ABCB7: variants seen among roughly 807,000 people sequenced by gnomAD.
The protein encoded by ABCB7 is iron-sulfur clusters transporter ABCB7, mitochondrial.
In ABCB7, 7 loss-of-function variants were observed where a neutral mutation model predicts 54.4. The ratio of observed to expected loss-of-function variants is 0.13; its 90% CI spans 0.07 to 0.24. ABCB7 has a LOEUF of 0.24. Ranked by LOEUF, ABCB7 falls within the 10% of genes least tolerant of loss-of-function variation. The pLI, the probability that ABCB7 is intolerant of heterozygous loss-of-function variation, is 1.00. For synonymous variants in ABCB7, 218 were observed against 207.1 expected, an observed-to-expected ratio of 1.05 and a Z score of -0.45; for missense variants, 356 against 570.4, an observed-to-expected ratio of 0.62 and a Z score of 3.83.
intron 1 of ABCB7, among the ~76,000 whole-genome samples, chrX:75,127,013 A>G (rs2081937162): frequency 9.0e-6 from 1 of 111,690 alleles, no homozygotes; most frequent in Admixed American, 9.5e-5. Flanking sequence ...TTCTAAAACT[A>G]TTCCAAACAA....
At chrX:75,118,021 A>T (rs187369036) in intron 1 of ABCB7, among the ~76,000 whole-genome samples, 15 of 112,462 alleles carry the variant, frequency 1.3e-4, no homozygotes, top group African/African-American at 4.8e-4. Flanking sequence ...AGCTGTAGTG[A>T]ATCTGTTATA....
intron 14 of ABCB7, among the ~76,000 whole-genome samples, 154 bp downstream of exon 14, chrX:75,062,174 C>T (rs760967641): frequency 8.9e-6 from 1 of 112,384 alleles, no homozygotes; most frequent in East Asian, 2.8e-4. Context: ...TTACCATCAA[C>T]ACTTGCCATA....
intron 1 of ABCB7, among the ~76,000 whole-genome samples, chrX:75,146,388 C>T (rs967602397): frequency 1.8e-5 from 2 of 111,796 alleles, no homozygotes; most frequent in African/African-American, 6.5e-5. Flanking sequence ...AAGAATGAAG[C>T]TGGAGGTATC....
Position 75,073,783 on chromosome X carries a change from G to A in ABCB7, c.945-7C>T, listed in dbSNP as rs5937938. ...TTCTATTCTAAATCTAGTTCTGTAA[G>A]ACAAAGATTTGCATAGGCATGAAAT... On this transcript the variant is annotated splice_region_variant and splice_polypyrimidine_tract_variant and intron_variant, in intron 7 of 15. Transcript: ENST00000373394. 17,899 of 1,194,206 alleles carry A rather than the reference G, an allele frequency of 0.015. 115 individuals carry two copies. The highest frequency in any genetic ancestry group is 0.018 in the Non-Finnish European group (16,210 of 880,609).
intron 15 of ABCB7, among the ~76,000 whole-genome samples, chrX:75,058,929 A>G (rs2081261796): frequency 8.9e-6 from 1 of 111,798 alleles, no homozygotes; most frequent in South Asian, 3.8e-4. Flanking sequence ...TATTTACAAA[A>G]TTTCCCATTT....
At chrX:75,081,648 C>A (rs1181573283) in intron 4 of ABCB7, among the ~76,000 whole-genome samples, 5 of 112,034 alleles carry the variant, frequency 4.5e-5, no homozygotes, top group Non-Finnish European at 9.4e-5. Context: ...TAAATTGATG[C>A]ACATTAATAA....
intron 1 of ABCB7, among the ~76,000 whole-genome samples, chrX:75,129,284 A>C (rs1346231708): frequency 9.0e-6 from 1 of 111,523 alleles, no homozygotes; most frequent in African/African-American, 3.3e-5. Context: ...GGATGAGTTA[A>C]TGTCCTTTGC....
In ABCB7 at chrX:75,116,170, A is replaced by T. The variant is rs184642257; in HGVS notation, c.169-1339T>A. Among the ~76,000 whole-genome samples the T allele has an allele frequency of 4.4e-3, 488 of 111,122 alleles. 4 individuals carry two copies. Among genetic ancestry groups the T allele is most frequent in the Non-Finnish European group, 8.0e-3 (424 of 53,030 alleles). Reference sequence around the variant, plus strand: ...ACCATCTTTATCTCTGAAGCTTGCGACCTGAAAGCTTCATCTACATGAGAA... The same window carrying T: ...ACCATCTTTATCTCTGAAGCTTGCGTCCTGAAAGCTTCATCTACATGAGAA... On this transcript the variant is annotated intron_variant, in intron 1 of 15. Transcript: ENST00000373394.
At chrX:75,055,576 A>C (rs2081232424) in intron 15 of ABCB7, among the ~76,000 whole-genome samples, 1 of 105,414 alleles carries the variant, frequency 9.5e-6, no homozygotes, top group African/African-American at 3.5e-5. Context: ...AAAAAAAAAA[A>C]AAACAACCAA....
At chrX:75,154,731 T>A (rs529907701) in intron 1 of ABCB7, among the ~76,000 whole-genome samples, 7 of 112,259 alleles carry the variant, frequency 6.2e-5, no homozygotes, top group African/African-American at 2.3e-4. Context: ...ACAATTAGAC[T>A]TAATACCCCT....
intron 3 of ABCB7, among the ~76,000 whole-genome samples, chrX:75,109,847 AG>A (rs1367841903): frequency 1.8e-5 from 2 of 112,139 alleles, no homozygotes; most frequent in Non-Finnish European, 3.8e-5. Flanking sequence ...CTGCAATAAA[AG>A]GAAGAAACCA....
chrX:75,150,335 G>C (rs1387214549), intron 1 of ABCB7, among the ~76,000 whole-genome samples: 1 of 111,546 alleles, frequency 9.0e-6, no homozygotes, highest in Non-Finnish European at 1.9e-5. Context: ...AGAGAGCACA[G>C]ATGAGGACTT....
chrX:75,089,171 G>T, intron 4 of ABCB7, among the ~76,000 whole-genome samples: 1 of 111,688 alleles, frequency 9.0e-6, no homozygotes, highest in Non-Finnish European at 1.9e-5. Flanking sequence ...CATGGATCTT[G>T]CAAGAATTGT....
intron 3 of ABCB7, among the ~76,000 whole-genome samples, chrX:75,108,429 TCTG>T (rs1206093130): frequency 9.0e-6 from 1 of 111,685 alleles, no homozygotes; most frequent in Non-Finnish European, 1.9e-5. Context: ...CTGTTCCTCC[TCTG>T]CTATCAGAAT....
In ABCB7 at chrX:75,062,321, A is replaced by C; in HGVS notation, c.1935+7T>G. 2 of 1,193,562 alleles carry C rather than the reference A, an allele frequency of 1.7e-6. No individual in the cohort carries two copies. Reference sequence around the variant, plus strand: ...TTGAAGAGCTTTATATTTTAATCATAACTTACCTCTTCAGTAATCGAATCT... The same window carrying C: ...TTGAAGAGCTTTATATTTTAATCATCACTTACCTCTTCAGTAATCGAATCT... On this transcript the variant is annotated splice_region_variant and intron_variant, in intron 14 of 15. Transcript: ENST00000373394.
intron 1 of ABCB7, among the ~76,000 whole-genome samples, chrX:75,126,278 C>A (rs1000079073): frequency 1.8e-5 from 2 of 111,946 alleles, no homozygotes; most frequent in African/African-American, 6.5e-5. Flanking sequence ...GATCCTTATG[C>A]TATAGTTTAC....
At chrX:75,108,149 C>T (rs2081721768) in intron 3 of ABCB7, among the ~76,000 whole-genome samples, 1 of 111,107 alleles carries the variant, frequency 9.0e-6, no homozygotes, top group African/African-American at 3.3e-5. Context: ...AGGACTGCAT[C>T]CTGTGGTATG....
chrX:75,088,418 A>G (rs1054581094), intron 4 of ABCB7, among the ~76,000 whole-genome samples: 2 of 111,873 alleles, frequency 1.8e-5, no homozygotes, highest in South Asian at 3.7e-4. Context: ...AAAAGCAGAC[A>G]GCATGCAAGA....
At chrX:75,141,247 G>T (rs2082050923) in intron 1 of ABCB7, among the ~76,000 whole-genome samples, 1 of 111,779 alleles carries the variant, frequency 8.9e-6, no homozygotes, top group East Asian at 2.8e-4. Flanking sequence ...CATATTTACT[G>T]TAACGTATTT....
Sources: gnomAD v4.1 joint callset for allele counts (sites outside exome capture counted in the v4.1 genomes callset) on GRCh38, gnomAD v4.1.1 for gene constraint, MANE v1.5 for transcripts, NCBI Gene and HGNC (gene_info 2026-07-23, HGNC 2026-07-21) for gene names.